The following HEATR5B variants were observed in gnomAD, a reference collection of about 807,000 sequenced individuals.
The protein encoded by HEATR5B is HEAT repeat-containing protein 5B.
A neutral mutation model predicts 224.1 loss-of-function variants in HEATR5B; 156 were observed. The ratio of observed to expected loss-of-function variants is 0.70; its 90% confidence interval spans 0.61 to 0.80. The LOEUF (loss-of-function observed/expected upper bound fraction) is 0.80. Ranked by LOEUF, HEATR5B falls within the 30% of genes least tolerant of loss-of-function variation. HEATR5B has a pLI of 0.00. For synonymous variants in HEATR5B, 1,027 were observed against 893.0 expected, an observed-to-expected ratio of 1.15 and a Z score of -2.68; for missense variants, 2,323 against 2,535.5, an observed-to-expected ratio of 0.92 and a Z score of 1.80.
intron 33 of HEATR5B, 98 bp downstream of exon 33, chr2:37,000,488 T>C (rs977206094): frequency 3.2e-5 from 28 of 865,860 alleles, no homozygotes; most frequent in East Asian, 9.9e-5. Context: ...AGATGATTCA[T>C]TGTTATACAG....
At chr2:37,035,616 G>A (rs10048628) in intron 21 of HEATR5B, among the ~76,000 whole-genome samples, 1 of 151,968 alleles carries the variant, frequency 6.6e-6, no homozygotes, top group Non-Finnish European at 1.5e-5. Flanking sequence ...TAGCTTCTGT[G>A]AACAACACAA....
At chr2:36,996,428 CTTTTTTTT>C (rs776769943) in intron 33 of HEATR5B, among the ~76,000 whole-genome samples, 1 of 138,718 alleles carries the variant, frequency 7.2e-6, no homozygotes, top group African/African-American at 2.6e-5. Context: ...TCTTTTCTTT[CTTTTTTTT>C]TTTTTTGAAA....
chr2:36,995,104 T>TTTTTTTTTTTC (rs1558702449), intron 33 of HEATR5B, among the ~76,000 whole-genome samples: 6 of 148,484 alleles, frequency 4.0e-5, no homozygotes, highest in Non-Finnish European at 7.4e-5. Flanking sequence ...TTTTTTTTTT[T>TTTTTTTTTTTC]CCTGAGATGG....
intron 33 of HEATR5B, among the ~76,000 whole-genome samples, chr2:36,999,244 G>A (rs1056253619): frequency 4.0e-5 from 6 of 151,880 alleles, no homozygotes; most frequent in Admixed American, 6.6e-5. Context: ...AAAAACACCC[G>A]AAAAAACATA....
At chr2:37,056,757 G>A (rs1319075269) in intron 15 of HEATR5B, 142 bp from the exon 16 acceptor site, 3 of 651,774 alleles carry the variant, frequency 4.6e-6, no homozygotes, top group African/African-American at 3.7e-5. Flanking sequence ...TTTGAAAACA[G>A]ACCAAAATGT....
chr2:37,042,889 C>CAAAAA (rs373043531), intron 18 of HEATR5B, among the ~76,000 whole-genome samples: 2 of 80,720 alleles, frequency 2.5e-5, no homozygotes, highest in Non-Finnish European at 2.3e-5. Context: ...GACTCTGTCT[C>CAAAAA]AAAAAAAAAA....
intron 24 of HEATR5B, among the ~76,000 whole-genome samples, chr2:37,027,674 T>C (rs984803496): frequency 1.3e-5 from 2 of 152,164 alleles, no homozygotes; most frequent in African/African-American, 4.8e-5. Context: ...TTTGGGCAAA[T>C]GATTAAATAG....
At chr2:37,076,128 A>G (rs1672213243) in intron 4 of HEATR5B, 1 of 83,068 alleles carries the variant, frequency 1.2e-5, no homozygotes, top group African/African-American at 3.7e-5. Flanking sequence ...GCTTATTGTT[A>G]TTTCTGATAG....
chr2:37,044,270 T>C (rs1414366085), intron 18 of HEATR5B, among the ~76,000 whole-genome samples: 1 of 152,202 alleles, frequency 6.6e-6, no homozygotes, highest in Non-Finnish European at 1.5e-5. Flanking sequence ...GTCCCTTTGT[T>C]GTCATATTCC....
chr2:37,052,316 T>G (rs1325146936), intron 17 of HEATR5B, among the ~76,000 whole-genome samples: 1 of 152,188 alleles, frequency 6.6e-6, no homozygotes, highest in Non-Finnish European at 1.5e-5. Flanking sequence ...CCACCTTGGA[T>G]GTCTGAACCA....
chr2:37,033,146 T>C (rs1204723717), intron 21 of HEATR5B, among the ~76,000 whole-genome samples: 2 of 152,176 alleles, frequency 1.3e-5, no homozygotes, highest in Non-Finnish European at 2.9e-5. Context: ...CCCAAAGTGC[T>C]GGGATTACAG....
At position 37,061,927 on chromosome 2, in the gene HEATR5B, A is replaced by G; in HGVS notation, c.1696+12T>C. 4 of 1,547,852 alleles carry G rather than the reference A, an allele frequency of 2.6e-6. No individual in the cohort carries two copies. The highest frequency in any genetic ancestry group is 1.4e-5 in the African/African-American group (1 of 73,636). The stretch of plus-strand genomic sequence containing the variant: ...ATAGCGTGACAAAAATCCTACTCAA[A>G]TATAATTATACCTAAAGTCATAAGT... On this transcript the variant is annotated intron_variant, in intron 11 of 35. Coordinates refer to ENST00000233099, the MANE Select transcript of HEATR5B (RefSeq NM_019024.3).
intron 2 of HEATR5B, among the ~76,000 whole-genome samples, chr2:37,082,086 T>TCTTTTTTTTC (rs1553329859): frequency 1.8e-5 from 1 of 55,978 alleles, no homozygotes; most frequent in Non-Finnish European, 3.4e-5. Context: ...TTTTTTTTTT[T>TCTTTTTTTTC]CAGATGGAGT....
Position 37,083,394 on chromosome 2 carries a change from T to C in HEATR5B, c.21A>G (p.Leu7=). 1.9e-6 allele frequency: 3 copies of C among 1,613,832 alleles called. No homozygotes were observed. The highest frequency in any genetic ancestry group is 2.5e-6 in the Non-Finnish European group (3 of 1,179,760). ...GAGCCAAAGCTTCTTCATTTAGCAA[T>C]AAACTGTGGGCTAACTCCATTACGG... MELAHS[L]LLNEEALAQI... is the part of the protein sequence containing the mutation. The change falls in exon 2 of 36, where the codon TTA becomes TTG. Residue 7 remains leucine, a synonymous_variant. Transcript: ENST00000233099.
At chr2:37,031,481 G>C (rs1480521593) in intron 22 of HEATR5B, among the ~76,000 whole-genome samples, 9 of 145,824 alleles carry the variant, frequency 6.2e-5, no homozygotes, top group Non-Finnish European at 1.2e-4. Context: ...ATGTTGCCCA[G>C]GTTGGACTTG....
At position 37,068,921 on chromosome 2, in the gene HEATR5B, C is replaced by A. The variant is rs138165082; in HGVS notation, c.937G>T (p.Val313Phe). Residue 313 changes from valine to phenylalanine, a missense_variant, in exon 8 of 36, where the codon GTT becomes TTT. Val to Phe is a conservative substitution (Grantham distance 50, BLOSUM62 -1). Around this residue, in one of 12 missense-constraint regions of HEATR5B, gnomAD observed 502 missense variants for 517.8 expected, o/e 0.97. Transcript: ENST00000233099. ...VRVGVTQAYV[V>F]FVTTLGGQWL... ...TGACCACCCAATGTTGTCACAAAAA[C>A]AACATACGCCTGTAAAAAGAGGAAG... The A allele has an allele frequency of 7.4e-4, 1,195 of 1,610,446 alleles. 13 individuals are homozygous for A. The East Asian group carries it at 0.024, about 32-fold the overall frequency.
chr2:37,070,266 C>G lies in HEATR5B; in HGVS notation c.891G>C (p.Gly297=). The G allele has an allele frequency of 6.2e-7, 1 of 1,614,024 alleles. No individual in the cohort carries two copies. Among genetic ancestry groups the G allele is most frequent in the Non-Finnish European group, 8.5e-7 (1 of 1,179,964 alleles). Residue 297 remains glycine (G), a synonymous_variant, in exon 7 of 36, where the codon GGG becomes GGC. Coordinates refer to ENST00000233099, the MANE Select transcript of HEATR5B (RefSeq NM_019024.3). ...KSGGEMLKVG[G]SVNREVRVGV... is the part of the protein sequence containing the mutation. ...CAACTCTCACTTCACGATTAACGGACCCTCCAACTTTTAACATTTCTCCAC... is the reference window on the plus strand; with the variant it reads ...CAACTCTCACTTCACGATTAACGGAGCCTCCAACTTTTAACATTTCTCCAC...
intron 35 of HEATR5B, among the ~76,000 whole-genome samples, chr2:36,985,905 T>C (rs1192765722): frequency 6.6e-6 from 1 of 152,082 alleles, no homozygotes; most frequent in Non-Finnish European, 1.5e-5. Flanking sequence ...AAAGCCTAAC[T>C]AGCTATTAAA....
chr2:37,024,880 C>T (rs1174704856), intron 24 of HEATR5B, among the ~76,000 whole-genome samples: 1 of 152,188 alleles, frequency 6.6e-6, no homozygotes, highest in Non-Finnish European at 1.5e-5. Flanking sequence ...TCTATGTCTA[C>T]CCTTCCTCAA....
Sources: gnomAD v4.1 joint callset for allele counts (sites outside exome capture counted in the v4.1 genomes callset) on GRCh38, gnomAD v4.1.1 for gene constraint, gnomAD v4.1.1 regional missense constraint, MANE v1.5 for transcripts, NCBI Gene and HGNC (gene_info 2026-07-23, HGNC 2026-07-21) for gene names.